The following CRTAM variants were observed in gnomAD, a reference collection of about 807,000 sequenced individuals.
CRTAM encodes the protein cytotoxic and regulatory T-cell molecule.
Under a neutral mutation model 50.0 loss-of-function variants are expected in CRTAM, and 44 were observed. The ratio of observed to expected loss-of-function variants is 0.88; its 90% CI spans 0.69 to 1.13. CRTAM has a LOEUF of 1.13. Ranked by LOEUF, CRTAM falls within the 50% of genes most tolerant of loss-of-function variation. CRTAM has a pLI of 0.00. For synonymous variants in CRTAM, 159 were observed against 169.3 expected (o/e 0.94, Z 0.47); for missense variants, 448 against 457.5 (o/e 0.98, Z 0.19).
intron 1 of CRTAM, among the ~76,000 whole-genome samples, chr11:122,839,548 A>C (rs1861774481): frequency 6.6e-6 from 1 of 152,238 alleles, no homozygotes; most frequent in South Asian, 2.1e-4. Flanking sequence ...CTAATGTAGC[A>C]TTATGAAAAT....
At chr11:122,864,586 A>C (rs772554507) in intron 6 of CRTAM, 50 bp from the exon 7 acceptor site, 1 of 1,303,588 alleles carries the variant, frequency 7.7e-7, no homozygotes, top group Non-Finnish European at 1.1e-6. Context: ...GTATGTAGTC[A>C]CATGTATATA....
chr11:122,867,942 T>A (rs889154306), intron 8 of CRTAM, 71 bp from the exon 9 acceptor site: 1 of 912,588 alleles, frequency 1.1e-6, no homozygotes, highest in African/African-American at 1.6e-5. Context: ...AGAGGTATTA[T>A]CTTATTCAAA....
At chr11:122,870,756 A>T (rs148946689) in intron 9 of CRTAM, among the ~76,000 whole-genome samples, 75 of 152,306 alleles carry the variant, frequency 4.9e-4, no homozygotes, top group African/African-American at 1.8e-3. Flanking sequence ...GTTTACCAGT[A>T]TATTGTTTAT....
chr11:122,859,275 A>G (rs1862041987), intron 5 of CRTAM, among the ~76,000 whole-genome samples: 1 of 151,760 alleles, frequency 6.6e-6, no homozygotes, highest in South Asian at 2.1e-4. Flanking sequence ...CACCTGGCTA[A>G]TTTTTTTGTA....
At chr11:122,845,091 C>A (rs1437504999) in intron 1 of CRTAM, among the ~76,000 whole-genome samples, 1 of 152,060 alleles carries the variant, frequency 6.6e-6, no homozygotes, top group African/African-American at 2.4e-5. Flanking sequence ...GTGTGAAGGG[C>A]AGATTGATGA....
At chr11:122,861,348 GTATA>G (rs5795353) in intron 5 of CRTAM, among the ~76,000 whole-genome samples, 1 of 123,676 alleles carries the variant, frequency 8.1e-6, no homozygotes, top group East Asian at 2.3e-4. Flanking sequence ...TGACGTGTCA[GTATA>G]TATATATATA....
At chr11:122,852,269 A>G (rs1420111920) in intron 3 of CRTAM, among the ~76,000 whole-genome samples, 1 of 152,174 alleles carries the variant, frequency 6.6e-6, no homozygotes, top group Admixed American at 6.5e-5. Context: ...CTAAGATAGA[A>G]TGAATTCAGA....
At chr11:122,849,034 T>A (rs1406175287) in intron 1 of CRTAM, among the ~76,000 whole-genome samples, 1 of 152,166 alleles carries the variant, frequency 6.6e-6, no homozygotes, top group Non-Finnish European at 1.5e-5. Flanking sequence ...TAGACTTGTG[T>A]TTGTCTGGAG....
At chr11:122,850,316 G>T in intron 2 of CRTAM, 102 bp downstream of exon 2, 6 of 1,227,796 alleles carry the variant, frequency 4.9e-6, no homozygotes, top group Non-Finnish European at 5.6e-6. Context: ...AGTCACCCAA[G>T]GGGTGGGCTC....
rs867806429 is a variant in CRTAM, at chr11:122,868,084, G to A, written c.1036G>A (p.Glu346Lys). 6.2e-7 allele frequency: 1 copy of A among 1,609,630 alleles called. No homozygotes were observed. The highest frequency in any genetic ancestry group is 8.5e-7 in the Non-Finnish European group (1 of 1,176,096). ...RSNNEETSSE[E>K]KNGQSSHPMR... is the part of the protein sequence containing the mutation. ...AAATAATGAAGAAACATCATCTGAA[G>A]AGAAAAATGGCCAATGTAAGTCAAC... Residue 346 changes from glutamate to lysine, a missense_variant, in exon 9 of 10, where the codon GAG (glutamate) becomes AAG (lysine). Transcript: ENST00000227348.
chr11:122,847,858 A>C (rs1861884621), intron 1 of CRTAM, among the ~76,000 whole-genome samples: 1 of 152,260 alleles, frequency 6.6e-6, no homozygotes, highest in African/African-American at 2.4e-5. Flanking sequence ...TTTTATCTTC[A>C]GAAGACCCAG....
Position 122,861,023 on chromosome 11 carries a change from A to G in CRTAM, c.653-1441A>G, listed in dbSNP as rs560377975. ...CATATTCTTCTTAAAATTTATTCCC[A>G]GTACTTCTATTTGACTAGCATTCCA... On this transcript the variant is annotated intron_variant, in intron 5 of 9. Transcript: ENST00000227348. Among the ~76,000 whole-genome samples, 18 of 152,218 alleles carry G rather than the reference A, an allele frequency of 1.2e-4. No individual in the cohort carries two copies. The East Asian group carries it at 3.1e-3, about 26-fold the overall frequency.
rs920304917 is a variant in CRTAM, at chr11:122,850,100, A to C, written c.79A>C (p.Thr27Pro). Reference protein sequence around the residue: ...ASLTNHTETITVEEGQTLTLK... With the variant: ...ASLTNHTETIPVEEGQTLTLK... The stretch of plus-strand genomic sequence containing the variant: ...TCTGACTAACCACACAGAAACCATC[A>C]CCGTGGAGGAAGGCCAGACGCTCAC... Residue 27 changes from threonine (T) to proline (P), a missense_variant, in exon 2 of 10, where the codon ACC (threonine) becomes CCC (proline). By Grantham distance (38) the Thr-to-Pro change is conservative. Transcript: ENST00000227348. 1 of 1,612,564 alleles carries C rather than the reference A, an allele frequency of 6.2e-7. No homozygotes were observed. Among genetic ancestry groups the C allele is most frequent in the African/African-American group, 1.3e-5 (1 of 74,832 alleles).
At position 122,855,724 on chromosome 11, in the gene CRTAM, G is replaced by A. The variant is rs1452819794; in HGVS notation, c.520G>A (p.Gly174Arg). ...AACGCTCCATGAATTTGAAACTGAT[G>A]GGAAGAAATGTAATACTACCAGCAC... ...GGTLHEFETD[G>R]KKCNTTSTLI... The change falls in exon 5 of 10, where the codon GGG becomes AGG. Residue 174 changes from glycine (G) to arginine (R), a missense_variant. Transcript: ENST00000227348. 1.2e-6 allele frequency: 2 copies of A among 1,613,896 alleles called. No individual in the cohort carries two copies. Among genetic ancestry groups the A allele is most frequent in the South Asian group, 2.2e-5 (2 of 91,074 alleles).
intron 1 of CRTAM, among the ~76,000 whole-genome samples, chr11:122,848,152 G>A (rs115250488): frequency 1.4e-3 from 208 of 152,324 alleles, no homozygotes; most frequent in African/African-American, 4.6e-3. Flanking sequence ...TAGTGAATGA[G>A]GCCAGGACAC....
At chr11:122,859,805 T>A (rs933395921) in intron 5 of CRTAM, among the ~76,000 whole-genome samples, 3 of 152,224 alleles carry the variant, frequency 2.0e-5, no homozygotes, top group Non-Finnish European at 4.4e-5. Flanking sequence ...GTCTTACACT[T>A]TGCTTAGAAT....
At chr11:122,843,954 G>A (rs138444399) in intron 1 of CRTAM, among the ~76,000 whole-genome samples, 129 of 152,226 alleles carry the variant, frequency 8.5e-4, no homozygotes, top group Middle Eastern at 6.8e-3. Flanking sequence ...TTTCTAAATC[G>A]AACATGGGGT....
chr11:122,869,195 C>T (rs919996721), intron 9 of CRTAM, among the ~76,000 whole-genome samples: 2 of 152,068 alleles, frequency 1.3e-5, no homozygotes, highest in African/African-American at 2.4e-5. Context: ...GACTGTTTGA[C>T]GTCACACACA....
At chr11:122,846,827 C>T (rs1371827083) in intron 1 of CRTAM, among the ~76,000 whole-genome samples, 1 of 152,138 alleles carries the variant, frequency 6.6e-6, no homozygotes, top group Non-Finnish European at 1.5e-5. Context: ...CTGCTTCTTC[C>T]TTAATGTCTA....
Sources: gnomAD v4.1 joint callset for allele counts (sites outside exome capture counted in the v4.1 genomes callset) on GRCh38, gnomAD v4.1.1 for gene constraint, MANE v1.5 for transcripts, NCBI Gene and HGNC (gene_info 2026-07-23, HGNC 2026-07-21) for gene names.